Variants in RUNX2 observed in about 807,000 individuals in gnomAD.
RUNX2 encodes RUNX family transcription factor 2.
Under a neutral mutation model 51.7 loss-of-function variants are expected in RUNX2, and 10 were observed. The ratio of observed to expected loss-of-function variants is 0.19; its 90% CI spans 0.12 to 0.33. The LOEUF (loss-of-function observed/expected upper bound fraction) is 0.33, where lower values mean the gene tolerates loss of function less well. Ranked by LOEUF, RUNX2 falls within the 10% of genes least tolerant of loss-of-function variation. The pLI is 1.00. For synonymous variants in RUNX2, 276 were observed against 273.6 expected, an observed-to-expected ratio of 1.01 and a Z score of -0.09; for missense variants, 562 against 691.3, an observed-to-expected ratio of 0.81 and a Z score of 2.10.
chr6:45,364,015 T>C (rs982087531), intron 2 of RUNX2, among the ~76,000 whole-genome samples: 1 of 151,836 alleles, frequency 6.6e-6, no homozygotes, highest in African/African-American at 2.4e-5. Context: ...CTTGGGAGGC[T>C]GAGGCAGGAA....
intron 5 of RUNX2, among the ~76,000 whole-genome samples, chr6:45,463,924 T>C (rs1025699949): frequency 1.3e-5 from 2 of 152,182 alleles, no homozygotes; most frequent in African/African-American, 4.8e-5. Flanking sequence ...CCGGGCACGG[T>C]GGCTCACGCC....
At chr6:45,478,637 A>C (rs1313722674) in intron 5 of RUNX2, among the ~76,000 whole-genome samples, 1 of 133,644 alleles carries the variant, frequency 7.5e-6, no homozygotes, top group Non-Finnish European at 1.7e-5. Context: ...ATTGTGTGTA[A>C]ATGTGTGTGT....
intron 2 of RUNX2, among the ~76,000 whole-genome samples, chr6:45,402,683 A>G (rs1002487199): frequency 4.6e-5 from 7 of 152,138 alleles, no homozygotes; most frequent in Admixed American, 4.6e-4. Flanking sequence ...CCTGAGCTAC[A>G]TAGAGAGCCT....
chr6:45,356,343 T>C (rs903196059), intron 2 of RUNX2, among the ~76,000 whole-genome samples: 1 of 152,096 alleles, frequency 6.6e-6, no homozygotes, highest in African/African-American at 2.4e-5. Context: ...TACACACATA[T>C]ATGTTAATAT....
At chr6:45,524,778 A>G (rs143777351) in intron 7 of RUNX2, among the ~76,000 whole-genome samples, 2 of 152,284 alleles carry the variant, frequency 1.3e-5, no homozygotes, top group East Asian at 3.9e-4. Context: ...AAGCTCCCAA[A>G]CTACACCTTA....
chr6:45,377,387 G>C (rs1240858058), intron 2 of RUNX2: 2 of 152,214 alleles, frequency 1.3e-5, no homozygotes, highest in Non-Finnish European at 2.9e-5. Flanking sequence ...TTCTCTCGCC[G>C]TGCCATAAAG....
At chr6:45,542,536 G>C (rs1201722778) in intron 7 of RUNX2, among the ~76,000 whole-genome samples, 1 of 152,124 alleles carries the variant, frequency 6.6e-6, no homozygotes, top group African/African-American at 2.4e-5. Context: ...CCTTGACCTT[G>C]GTCTCATTCA....
chr6:45,485,695 G>GTATATATATATA (rs1389655363), intron 5 of RUNX2, among the ~76,000 whole-genome samples: 63 of 107,150 alleles, frequency 5.9e-4, no homozygotes, highest in African/African-American at 1.4e-3. Context: ...GTGTGTGTGT[G>GTATATATATATA]TGTATATATA....
At chr6:45,473,838 C>T (rs1353566681) in intron 5 of RUNX2, among the ~76,000 whole-genome samples, 2 of 152,152 alleles carry the variant, frequency 1.3e-5, no homozygotes, top group Admixed American at 6.5e-5. Context: ...AAAGGAGTCA[C>T]ATATGTGGGA....
chr6:45,357,575 C>A (rs769652367), intron 2 of RUNX2, among the ~76,000 whole-genome samples: 1 of 152,080 alleles, frequency 6.6e-6, no homozygotes, highest in Non-Finnish European at 1.5e-5. Flanking sequence ...GCTCCCCTGA[C>A]GTCAGCCCCT....
At chr6:45,458,971 C>A (rs1477478315) in intron 5 of RUNX2, among the ~76,000 whole-genome samples, 1 of 152,194 alleles carries the variant, frequency 6.6e-6, no homozygotes, top group Non-Finnish European at 1.5e-5. Flanking sequence ...TGACAGTAAC[C>A]TGAAGCTTTG....
rs142043939 is a variant in RUNX2, at chr6:45,456,896, T to C, written c.685+18845T>C. Among the ~76,000 whole-genome samples, 718 of 152,306 alleles carry C rather than the reference T, an allele frequency of 4.7e-3. 1 individual carries two copies. The highest frequency in any genetic ancestry group is 8.4e-3 in the Non-Finnish European group (568 of 68,022). ...TAGAGAACTTGCCCAGGATCACACA[T>C]CTGTGTTGAACATTTCATATTTGAA... On this transcript the variant is annotated intron_variant, in intron 5 of 8. Coordinates refer to ENST00000647337, the MANE Select transcript of RUNX2 (RefSeq NM_001024630.4).
At chr6:45,420,985 T>G (rs1430412778) in intron 2 of RUNX2, 3 of 152,108 alleles carry the variant, frequency 2.0e-5, no homozygotes, top group African/African-American at 7.2e-5. Flanking sequence ...TCCGCGCTCC[T>G]TCATCCTCTC....
At chr6:45,443,918 T>C (rs1336338467) in intron 5 of RUNX2, among the ~76,000 whole-genome samples, 2 of 152,174 alleles carry the variant, frequency 1.3e-5, no homozygotes, top group Non-Finnish European at 2.9e-5. Flanking sequence ...GATCTTGATC[T>C]AGGCTCACTG....
intron 5 of RUNX2, among the ~76,000 whole-genome samples, chr6:45,481,595 G>A (rs910000438): frequency 6.6e-6 from 1 of 151,948 alleles, no homozygotes; most frequent in African/African-American, 2.4e-5. Context: ...AGGATGGTGT[G>A]AATGTTCAGT....
intron 5 of RUNX2, among the ~76,000 whole-genome samples, chr6:45,438,630 G>T (rs1798756449): frequency 6.6e-6 from 1 of 152,174 alleles, no homozygotes. Flanking sequence ...GTCAAACCAC[G>T]TTTAAATCCA....
chr6:45,388,085 G>A (rs1408453034), intron 2 of RUNX2, among the ~76,000 whole-genome samples: 1 of 152,116 alleles, frequency 6.6e-6, no homozygotes, highest in Admixed American at 6.6e-5. Flanking sequence ...AAGGAGGGAA[G>A]GTTTGAACAC....
chr6:45,511,966 C>T (rs183826866), intron 6 of RUNX2, among the ~76,000 whole-genome samples: 136 of 152,140 alleles, frequency 8.9e-4, no homozygotes, highest in Non-Finnish European at 1.6e-3. Flanking sequence ...ATTAGACTTT[C>T]GAAATTGAAA....
rs1476756772 is a variant in RUNX2, at chr6:45,411,818, A to G, written c.59-10775A>G. Among the ~76,000 whole-genome samples the G allele has an allele frequency of 2.0e-5, 3 of 152,290 alleles. No homozygotes were observed. The East Asian group carries it at 5.8e-4, about 29-fold the overall frequency. On this transcript the variant is annotated intron_variant, in intron 2 of 8. Transcript: ENST00000647337. ...AACACCAGTGAAGCAAGTTAAAAAC[A>G]GAATAAATAAAAAAACTATATTCAA...
Sources: gnomAD v4.1 joint callset for allele counts (sites outside exome capture counted in the v4.1 genomes callset) on GRCh38, gnomAD v4.1.1 for gene constraint, MANE v1.5 for transcripts, NCBI Gene and HGNC (gene_info 2026-07-23, HGNC 2026-07-21) for gene names.